ZDBF2: variants seen among roughly 807,000 people sequenced by gnomAD.
ZDBF2 encodes the protein zinc finger DBF-type containing 2.
ZDBF2 carries 6 observed loss-of-function variants against 9.4 expected under a neutral mutation model. The ratio of observed to expected loss-of-function variants is 0.64; its 90% CI spans 0.35 to 1.27. ZDBF2 has a LOEUF of 1.27. ZDBF2 is among the 50% of genes most tolerant of loss of function. ZDBF2 has a pLI of 0.03. For synonymous variants in ZDBF2, 905 were observed against 946.3 expected, an observed-to-expected ratio of 0.96 and a Z score of 0.80; for missense variants, 2,697 against 2,766.8, an observed-to-expected ratio of 0.97 and a Z score of 0.57.
intron 4 of ZDBF2, among the ~76,000 whole-genome samples, chr2:206,301,582 G>A (rs1559145637): frequency 6.6e-6 from 1 of 151,532 alleles, no homozygotes; most frequent in East Asian, 1.9e-4. Flanking sequence ...ATACCATTTT[G>A]TTTCCTTGAT....
intron 3 of ZDBF2, among the ~76,000 whole-genome samples, chr2:206,285,212 T>C (rs1256788855): frequency 6.6e-6 from 1 of 152,214 alleles, no homozygotes; most frequent in African/African-American, 2.4e-5. Context: ...TTTTAGGTTT[T>C]TGAGAACATT....
At position 206,297,238 on chromosome 2, in the gene ZDBF2, C is replaced by T. The variant is rs1340965147; in HGVS notation, c.61-8C>T. 5.8e-6 allele frequency: 7 copies of T among 1,200,056 alleles called. No homozygotes were observed. The highest frequency in any genetic ancestry group is 1.8e-5 in the Admixed American group (1 of 55,622). The allele number at this position is 1,200,056 out of a possible 1,614,324, so 74.3% of individuals were successfully genotyped here. On this transcript the variant is annotated splice_polypyrimidine_tract_variant and splice_region_variant and intron_variant, in intron 3 of 4. Transcript: ENST00000374423. ...TTTAAAAATATTCCATTTCTTTTTT[C>T]TTTATAGCATTTGTTCAGTGCTCAG...
At position 206,309,960 on chromosome 2, in the gene ZDBF2, A is replaced by C; in HGVS notation, c.5432A>C (p.Asn1811Thr). 6.2e-7 allele frequency: 1 copy of C among 1,613,614 alleles called. No individual in the cohort carries two copies. Among genetic ancestry groups the C allele is most frequent in the Non-Finnish European group, 8.5e-7 (1 of 1,179,806 alleles). ...LKKAKDVIED[N>T]PDEPVLEALP... ...AAAGCAAAGGATGTCATAGAGGATA[A>C]TCCTGATGAACCAGTTCTTGAAGCC... Residue 1811 changes from asparagine (N) to threonine (T), a missense_variant, in exon 5 of 5, where the codon AAT becomes ACT. By Grantham distance (65) the Asn-to-Thr change is moderately conservative. Around this residue, in one of 3 missense-constraint regions of ZDBF2, gnomAD observed 1,783 missense variants for 1,776.5 expected, o/e 1.00. Transcript: ENST00000374423.
chr2:206,291,323 G>C (rs1490143079), intron 3 of ZDBF2, among the ~76,000 whole-genome samples: 1 of 152,140 alleles, frequency 6.6e-6, no homozygotes, highest in Non-Finnish European at 1.5e-5. Context: ...GTTCACAATA[G>C]AGTTTACGCT....
At chr2:206,276,515 C>T (rs1206514030) in intron 1 of ZDBF2, among the ~76,000 whole-genome samples, 1 of 152,080 alleles carries the variant, frequency 6.6e-6, no homozygotes, top group African/African-American at 2.4e-5. Context: ...AAATAAGAGT[C>T]CTAATTATTT....
In ZDBF2 at chr2:206,310,808, G is replaced by A. The variant is rs1693129079; in HGVS notation, c.6280G>A (p.Asp2094Asn). The A allele has an allele frequency of 6.2e-7, 1 of 1,614,000 alleles. No homozygotes were observed. The highest frequency in any genetic ancestry group is 8.5e-7 in the Non-Finnish European group (1 of 1,179,900). ...NRSNQNSSAG[D>N]NDADGQGSAS... ...GAGCAACCAAAACTCCAGTGCAGGA[G>A]ATAATGATGCTGATGGACAAGGCTC... Residue 2094 changes from aspartate (D) to asparagine (N), a missense_variant, in exon 5 of 5, where the codon GAT (aspartate) becomes AAT (asparagine). Coordinates refer to ENST00000374423, the MANE Select transcript of ZDBF2 (RefSeq NM_020923.3).
chr2:206,303,618 T>G (rs898068208), intron 4 of ZDBF2, among the ~76,000 whole-genome samples: 1 of 152,180 alleles, frequency 6.6e-6, no homozygotes, highest in Non-Finnish European at 1.5e-5. Flanking sequence ...ATTTAAATTT[T>G]GAATGGGAAA....
chr2:206,285,539 T>C (rs1354723132), intron 3 of ZDBF2, among the ~76,000 whole-genome samples: 2 of 152,204 alleles, frequency 1.3e-5, no homozygotes, highest in African/African-American at 4.8e-5. Context: ...ATATTCCAGG[T>C]ATTAATCATC....
At position 206,311,540 on chromosome 2, in the gene ZDBF2, G is replaced by A. The variant is rs750316851; in HGVS notation, c.7012G>A (p.Glu2338Lys). Residue 2338 changes from glutamate (E) to lysine (K), a missense_variant, in exon 5 of 5, where the codon GAG (glutamate) becomes AAG (lysine). Glu to Lys is a moderately conservative substitution (Grantham distance 56). Around this residue, in one of 3 missense-constraint regions of ZDBF2, gnomAD observed 1,783 missense variants for 1,776.5 expected, o/e 1.00. Transcript: ENST00000374423. The part of the protein sequence containing the change: ...LRSSSCLQQR[E>K]RMMTRLANKL... The stretch of plus-strand genomic sequence containing the variant: ...AAGCTCATCTTGTTTACAACAACGT[G>A]AGAGAATGATGACTCGGCTAGCAAA... 1.6e-5 allele frequency: 25 copies of A among 1,544,954 alleles called. No homozygotes were observed. Among genetic ancestry groups the A allele is most frequent in the Admixed American group, 6.5e-5 (3 of 46,132 alleles).
intron 3 of ZDBF2, among the ~76,000 whole-genome samples, chr2:206,293,980 C>G (rs1243369404): frequency 6.6e-6 from 1 of 151,846 alleles, no homozygotes; most frequent in South Asian, 2.1e-4. Flanking sequence ...TAGCCAAAAG[C>G]TAGAAACAAC....
Position 206,310,685 on chromosome 2 carries a change from T to C in ZDBF2, c.6157T>C (p.Tyr2053His). 1 of 1,613,034 alleles carries C rather than the reference T, an allele frequency of 6.2e-7. No individual in the cohort carries two copies. The highest frequency in any genetic ancestry group is 8.5e-7 in the Non-Finnish European group (1 of 1,179,490). ...CKYKRNIFDY[Y>H]EPLIKQIVIS... ...ATATAAACGGAATATCTTTGATTAT[T>C]ATGAGCCCTTGATTAAGCAAATTGT... Residue 2053 changes from tyrosine (Y) to histidine (H), a missense_variant, in exon 5 of 5, where the codon TAT becomes CAT. Physicochemically the swap from Tyr to His is moderately conservative, Grantham distance 83 (BLOSUM62 2). This residue lies in a region of ZDBF2 where 1,783 missense variants were observed against 1,776.5 expected (regional missense o/e 1.00). Coordinates refer to ENST00000374423, the MANE Select transcript of ZDBF2 (RefSeq NM_020923.3).
chr2:206,291,460 C>T (rs190091501), intron 3 of ZDBF2, among the ~76,000 whole-genome samples: 2 of 152,318 alleles, frequency 1.3e-5, no homozygotes, highest in East Asian at 3.9e-4. Context: ...CAATACCTAA[C>T]AGCCCTTCTC....
chr2:206,296,298 A>G (rs572081534), intron 3 of ZDBF2, among the ~76,000 whole-genome samples: 44 of 152,150 alleles, frequency 2.9e-4, no homozygotes, highest in Non-Finnish European at 4.4e-4. Context: ...TCATTGTCCC[A>G]CTCAGGACAT....
chr2:206,308,875 C>T lies in ZDBF2; in HGVS notation c.4347C>T (p.Val1449=), dbSNP rs752848846. The change falls in exon 5 of 5, where the codon GTC becomes GTT. Residue 1449 remains valine, a synonymous_variant. Coordinates refer to ENST00000374423, the MANE Select transcript of ZDBF2 (RefSeq NM_020923.3). The part of the protein sequence containing the change: ...HNDLENKNCE[V]CGSEIKCHSC... Reference sequence around the variant, plus strand: ...ATCTAGAAAATAAGAACTGTGAAGTCTGTGGTTCTGAAATAAAATGTCATT... The same window carrying T: ...ATCTAGAAAATAAGAACTGTGAAGTTTGTGGTTCTGAAATAAAATGTCATT... 6.2e-7 allele frequency: 1 copy of T among 1,612,814 alleles called. No individual in the cohort carries two copies. The highest frequency in any genetic ancestry group is 8.5e-7 in the Non-Finnish European group (1 of 1,179,474).
At position 206,311,003 on chromosome 2, in the gene ZDBF2, T is replaced by A. The variant is rs914620215; in HGVS notation, c.6475T>A (p.Ser2159Thr). 1 of 1,610,562 alleles carries A rather than the reference T, an allele frequency of 6.2e-7. No homozygotes were observed. Residue 2159 changes from serine (S) to threonine (T), a missense_variant, in exon 5 of 5, where the codon TCT (serine) becomes ACT (threonine). This residue lies in a region of ZDBF2 where 1,783 missense variants were observed against 1,776.5 expected (regional missense o/e 1.00). Transcript: ENST00000374423. Reference sequence around the variant, plus strand: ...TTTAAATCATGATGTTGTCAAAATCTCTCCAAAATCAGTTAGAAATAAGCT... The same window carrying A: ...TTTAAATCATGATGTTGTCAAAATCACTCCAAAATCAGTTAGAAATAAGCT... Reference protein sequence around the residue: ...TFLNHDVVKISPKSVRNKLLE... With the variant: ...TFLNHDVVKITPKSVRNKLLE...
chr2:206,300,300 C>A (rs1371231394), intron 4 of ZDBF2, among the ~76,000 whole-genome samples: 1 of 152,212 alleles, frequency 6.6e-6, no homozygotes, highest in African/African-American at 2.4e-5. Context: ...AGGAACCAGT[C>A]CACAATCACA....
chr2:206,281,400 A>G (rs1027878967), intron 2 of ZDBF2, among the ~76,000 whole-genome samples: 7 of 152,224 alleles, frequency 4.6e-5, no homozygotes, highest in South Asian at 2.1e-4. Context: ...GACGTTGTCA[A>G]ATAATCTGGG....
chr2:206,274,977 C>T (rs1363583801), intron 1 of ZDBF2, 31 bp downstream of exon 1: 3 of 149,482 alleles, frequency 2.0e-5, no homozygotes, highest in Admixed American at 6.7e-5. Context: ...GGGGCGCGGC[C>T]GGGGCGACGC....
At position 206,311,493 on chromosome 2, in the gene ZDBF2, C is replaced by T; in HGVS notation, c.6965C>T (p.Pro2322Leu). The T allele has an allele frequency of 6.2e-7, 1 of 1,604,432 alleles. No individual in the cohort carries two copies. The highest frequency in any genetic ancestry group is 8.5e-7 in the Non-Finnish European group (1 of 1,177,336). The change falls in exon 5 of 5, where the codon CCT (proline) becomes CTT (leucine). Residue 2322 changes from proline to leucine, a missense_variant. Around this residue, in one of 3 missense-constraint regions of ZDBF2, gnomAD observed 1,783 missense variants for 1,776.5 expected, o/e 1.00. Coordinates refer to ENST00000374423, the MANE Select transcript of ZDBF2 (RefSeq NM_020923.3). ...GGCCGACAGAAAGGTCCTTCTACAC[C>T]TGTGAGAGCATATGATCTGAGAAGC... ...YHGRQKGPSTPVRAYDLRSSS... is the reference protein window; with the variant it reads ...YHGRQKGPSTLVRAYDLRSSS...
Sources: gnomAD v4.1 joint callset for allele counts (sites outside exome capture counted in the v4.1 genomes callset) on GRCh38, gnomAD v4.1.1 for gene constraint, gnomAD v4.1.1 regional missense constraint, MANE v1.5 for transcripts, NCBI Gene and HGNC (gene_info 2026-07-23, HGNC 2026-07-21) for gene names.